CHAT: variants seen among roughly 807,000 people sequenced by gnomAD.
The protein encoded by CHAT is acetyl CoA:choline O-acetyltransferase.
CHAT carries 61 observed loss-of-function variants against 76.9 expected under a neutral mutation model. That is an observed-to-expected ratio of 0.79 (90% CI 0.65 to 0.98). The LOEUF (loss-of-function observed/expected upper bound fraction) is 0.98, where lower values mean the gene tolerates loss of function less well. CHAT is among the 50% of genes least tolerant of loss of function. CHAT has a pLI of 0.00. For synonymous variants in CHAT, 407 were observed against 397.4 expected (o/e 1.02, Z -0.29); for missense variants, 946 against 986.9 (o/e 0.96, Z 0.56).
At chr10:49,625,826 A>G (rs1838900923) in intron 6 of CHAT, among the ~76,000 whole-genome samples, 173 bp downstream of exon 6, 1 of 152,044 alleles carries the variant, frequency 6.6e-6, no homozygotes, top group Admixed American at 6.5e-5. Context: ...ATGTCTCTCC[A>G]CCAGTTGCCT....
Position 49,646,396 on chromosome 10 carries a change from T to A in CHAT, c.1112-109T>A, listed in dbSNP as rs370263760. The A allele has an allele frequency of 4.8e-5, 67 of 1,399,642 alleles. No homozygotes were observed. The African/African-American group carries it at 8.8e-4, about 18-fold the overall frequency. 86.7% of individuals were successfully genotyped at this position (1,399,642 alleles called of 1,614,324 possible). A position where few individuals can be genotyped will look rare whatever the true frequency, so the allele number is the denominator to read the frequency against. Reference sequence around the variant, plus strand: ...TCAGGGCTGGCTCAAGACCTGGGTCTTGTTGTGATCCCAGAAGACAGGGCT... The same window carrying A: ...TCAGGGCTGGCTCAAGACCTGGGTCATGTTGTGATCCCAGAAGACAGGGCT... On this transcript the variant is annotated intron_variant, in intron 7 of 14. Transcript: ENST00000337653.
rs1336157357 is a variant in CHAT at position 49,646,547 on chromosome 10, T to C, written c.1154T>C (p.Ile385Thr). 6.2e-7 allele frequency: 1 copy of C among 1,614,230 alleles called. No individual in the cohort carries two copies. The highest frequency in any genetic ancestry group is 8.5e-7 in the Non-Finnish European group (1 of 1,180,030). ...TCGCTGGACATGATTGAGCGCTGCA[T>C]CTGCCTTGTATGCCTGGACGCGCCA... ...RDSLDMIERC[I>T]CLVCLDAPGG... Residue 385 changes from isoleucine (I) to threonine (T), a missense_variant, in exon 8 of 15, where the codon ATC (isoleucine) becomes ACC (threonine). Transcript: ENST00000337653.
upstream of CHAT, chr10:49,612,250 G>T (rs61846640): frequency 1.6e-5 from 26 of 1,610,208 alleles, no homozygotes; most frequent in East Asian, 2.2e-5. Context: ...TGAGCGTCCT[G>T]TGTCTGGCCA....
At chr10:49,639,710 A>G (rs1473469257) in intron 7 of CHAT, among the ~76,000 whole-genome samples, 1 of 152,034 alleles carries the variant, frequency 6.6e-6, no homozygotes, top group East Asian at 1.9e-4. Context: ...CTTTGAATTT[A>G]TCATGTTTGG....
intron 7 of CHAT, among the ~76,000 whole-genome samples, chr10:49,631,154 G>A (rs1465567301): frequency 6.6e-6 from 1 of 152,202 alleles, no homozygotes; most frequent in East Asian, 1.9e-4. Flanking sequence ...TGGAATCTGA[G>A]CTGAGTAAGG....
At chr10:49,619,674 G>A in intron 2 of CHAT, 51 bp from the exon 3 acceptor site, 1 of 1,570,782 alleles carries the variant, frequency 6.4e-7, no homozygotes, top group Non-Finnish European at 8.7e-7. Context: ...TTGGGGACAG[G>A]CATGGGGCGC....
At chr10:49,641,962 C>T (rs1839495682) in intron 7 of CHAT, among the ~76,000 whole-genome samples, 1 of 152,164 alleles carries the variant, frequency 6.6e-6, no homozygotes, top group Non-Finnish European at 1.5e-5. Flanking sequence ...AGAGTCTCAG[C>T]CTGTAAGCTT....
At chr10:49,653,154 CTG>C (rs934417724) in intron 11 of CHAT, among the ~76,000 whole-genome samples, 2 of 151,970 alleles carry the variant, frequency 1.3e-5, no homozygotes, top group African/African-American at 4.8e-5. Context: ...GTGCCAGAGA[CTG>C]AATCACAGAC....
upstream of CHAT, chr10:49,612,545 C>G (rs1231452895): frequency 8.9e-6 from 5 of 561,910 alleles, no homozygotes; most frequent in Non-Finnish European, 1.6e-5. Flanking sequence ...AGCACCGAGG[C>G]CAGCGAAGCC....
At chr10:49,634,762 T>C (rs1440926729) in intron 7 of CHAT, among the ~76,000 whole-genome samples, 3 of 152,150 alleles carry the variant, frequency 2.0e-5, no homozygotes, top group Non-Finnish European at 2.9e-5. Flanking sequence ...CCCACCATCC[T>C]TTCCCCCAGT....
At position 49,620,567 on chromosome 10, in the gene CHAT, G is replaced by A. The variant is rs751863010; in HGVS notation, c.652G>A (p.Val218Met). 17 of 1,613,626 alleles carry A rather than the reference G, an allele frequency of 1.1e-5. No individual in the cohort carries two copies. Among genetic ancestry groups the A allele is most frequent in the Middle Eastern group, 1.6e-4 (1 of 6,082 alleles). The stretch of plus-strand genomic sequence containing the variant: ...CCTGCCTGTCAACTCCAGCCCTGCC[G>A]TGATCTTTGCTCGGCAGCACTTCCC... ...LALPVNSSPA[V>M]IFARQHFPGT... Residue 218 changes from valine (V) to methionine (M), a missense_variant, in exon 4 of 15, where the codon GTG becomes ATG. Physicochemically the swap from Val to Met is conservative, Grantham distance 21 (BLOSUM62 1). Around this residue, in one of 3 missense-constraint regions of CHAT, gnomAD observed 548 missense variants for 516.2 expected, o/e 1.06. Transcript: ENST00000337653.
intron 6 of CHAT, 36 bp downstream of exon 6, chr10:49,625,689 G>T: frequency 6.5e-7 from 1 of 1,547,198 alleles, no homozygotes. Flanking sequence ...GGAGGGCACA[G>T]AGCATACAGT....
upstream of CHAT, chr10:49,611,392 C>T (rs1838291198): frequency 6.3e-7 from 1 of 1,598,950 alleles, no homozygotes; most frequent in South Asian, 1.1e-5. Flanking sequence ...GGGCGTGGCG[C>T]TGGCCTTCAT....
chr10:49,634,374 A>T (rs1298393548), intron 7 of CHAT, among the ~76,000 whole-genome samples: 1 of 152,204 alleles, frequency 6.6e-6, no homozygotes, highest in Non-Finnish European at 1.5e-5. Context: ...CTCTTATTAG[A>T]TTTGGGGATC....
At chr10:49,632,155 G>A (rs1004413399) in intron 7 of CHAT, among the ~76,000 whole-genome samples, 2 of 152,096 alleles carry the variant, frequency 1.3e-5, no homozygotes, top group Non-Finnish European at 2.9e-5. Flanking sequence ...AGCACCCCTC[G>A]GGAAGTGCCA....
intron 14 of CHAT, among the ~76,000 whole-genome samples, chr10:49,664,565 A>G (rs1840292814): frequency 6.6e-6 from 1 of 152,240 alleles, no homozygotes; most frequent in African/African-American, 2.4e-5. Context: ...ATTGCACACC[A>G]GGGAGTGGGC....
chr10:49,634,041 T>C (rs1212563980), intron 7 of CHAT, among the ~76,000 whole-genome samples: 6 of 152,208 alleles, frequency 3.9e-5, no homozygotes, highest in Non-Finnish European at 8.8e-5. Context: ...ACTAACAGCC[T>C]CTCTGATTTA....
chr10:49,632,378 G>C (rs1839155558), intron 7 of CHAT, among the ~76,000 whole-genome samples: 1 of 152,178 alleles, frequency 6.6e-6, no homozygotes, highest in Non-Finnish European at 1.5e-5. Context: ...TGTTGGGGCT[G>C]AGGTGCTTTC....
Position 49,627,751 on chromosome 10 carries a change from C to T in CHAT, c.1077C>T (p.Ser359=), listed in dbSNP as rs759981661. 2 of 1,613,974 alleles carry T rather than the reference C, an allele frequency of 1.2e-6. No homozygotes were observed. The highest frequency in any genetic ancestry group is 2.2e-5 in the East Asian group (1 of 44,884). The change falls in exon 7 of 15, where the codon AGC becomes AGT. Residue 359 remains serine, a synonymous_variant. Coordinates refer to ENST00000337653, the MANE Select transcript of CHAT (RefSeq NM_020549.5). ...PIGLLTSDGR[S]EWAEARTVLV... ...GCCTGCTGACGTCTGACGGGAGGAG[C>T]GAGTGGGCCGAGGCCAGGACGGTCC...
Sources: gnomAD v4.1 joint callset for allele counts (sites outside exome capture counted in the v4.1 genomes callset) on GRCh38, gnomAD v4.1.1 for gene constraint, gnomAD v4.1.1 regional missense constraint, MANE v1.5 for transcripts, NCBI Gene and HGNC (gene_info 2026-07-23, HGNC 2026-07-21) for gene names.